The following FOCAD variants were observed in gnomAD, a reference collection of about 807,000 sequenced individuals.
FOCAD encodes the protein focadhesin, also known as KIAA1797.
A neutral mutation model predicts 225.6 loss-of-function variants in FOCAD; 198 were observed. The observed-to-expected ratio is 0.88, with a 90% CI of 0.78 to 0.99. The LOEUF is 0.99. Ranked by LOEUF, FOCAD falls within the 50% of genes least tolerant of loss-of-function variation. FOCAD has a pLI of 0.00. For missense variants in FOCAD, 2,713 were observed against 2,123.6 expected (o/e 1.28, Z -5.46); for synonymous variants, 897 against 755.0 (o/e 1.19, Z -3.08).
chr9:20,737,309 T>TAA (rs1827226350), intron 4 of FOCAD, among the ~76,000 whole-genome samples: 1 of 152,246 alleles, frequency 6.6e-6, no homozygotes, highest in African/African-American at 2.4e-5. Flanking sequence ...ATAAAAACCA[T>TAA]AGATCTGTTA....
intron 7 of FOCAD, 109 bp downstream of exon 7, chr9:20,765,182 A>C: frequency 2.2e-6 from 2 of 893,026 alleles, no homozygotes. Flanking sequence ...CTCAGACATG[A>C]TCCTCGCTCT....
upstream of FOCAD, among the ~76,000 whole-genome samples, chr9:20,679,505 G>C (rs763041485): frequency 1.3e-5 from 2 of 152,006 alleles, no homozygotes; most frequent in Non-Finnish European, 2.9e-5. Context: ...AGACTACAGT[G>C]TCTTTTTTTT....
intron 2 of FOCAD, among the ~76,000 whole-genome samples, chr9:20,674,487 T>G (rs1822171210): frequency 6.6e-6 from 1 of 152,152 alleles, no homozygotes; most frequent in Non-Finnish European, 1.5e-5. Context: ...GCCTGGATAT[T>G]ATAAAGATGT....
chr9:20,979,363 G>C lies in FOCAD; in HGVS notation c.4377+909G>C, dbSNP rs118087165. On this transcript the variant is annotated intron_variant, in intron 37 of 43. Coordinates refer to ENST00000338382, the MANE Select transcript of FOCAD (RefSeq NM_001375567.1). ...TTTTTTTGTTGTTGTTTTTGAGACA[G>C]TTTCTCGCTCCATAGCCCAGGCTGG... is the stretch of plus-strand genomic sequence containing the variant. Among the ~76,000 whole-genome samples the C allele has an allele frequency of 2.2e-3, 333 of 152,280 alleles. 8 individuals carry two copies. In the East Asian group the frequency reaches 0.042, roughly 19 times the overall value.
intron 21 of FOCAD, among the ~76,000 whole-genome samples, chr9:20,887,171 A>G (rs1336759346): frequency 1.3e-5 from 2 of 151,354 alleles, no homozygotes; most frequent in Non-Finnish European, 2.9e-5. Flanking sequence ...CCTGCTTTTG[A>G]TCCTCCCATT....
intron 2 of FOCAD, among the ~76,000 whole-genome samples, chr9:20,674,604 C>A (rs1299416852): frequency 6.6e-6 from 1 of 152,206 alleles, no homozygotes; most frequent in Non-Finnish European, 1.5e-5. Flanking sequence ...TGTGGTGCCA[C>A]TTTGGAACAA....
At chr9:20,689,505 T>A (rs531026602) in intron 1 of FOCAD, among the ~76,000 whole-genome samples, 1 of 152,258 alleles carries the variant, frequency 6.6e-6, no homozygotes, top group East Asian at 1.9e-4. Context: ...GCCTTGGGAC[T>A]TGGAAGGATG....
At chr9:20,882,526 T>C (rs6475483) in intron 20 of FOCAD, among the ~76,000 whole-genome samples, 125,196 of 152,174 alleles carry the variant, frequency 0.82, 51,674 homozygotes, top group Admixed American at 0.88. Context: ...GCTAGGAGAA[T>C]GGGCTTGAAA....
chr9:20,754,032 A>G (rs1035953396), intron 5 of FOCAD, among the ~76,000 whole-genome samples: 3 of 152,122 alleles, frequency 2.0e-5, no homozygotes, highest in African/African-American at 7.2e-5. Context: ...TTTGTACCAC[A>G]TTCTTCCCTT....
At chr9:20,953,159 A>C in intron 35 of FOCAD, 94 bp downstream of exon 35, 23 of 990,094 alleles carry the variant, frequency 2.3e-5, no homozygotes, top group Non-Finnish European at 3.2e-5. Context: ...AGAATCAAGC[A>C]ATATAAATCT....
intron 23 of FOCAD, among the ~76,000 whole-genome samples, chr9:20,915,616 G>A (rs1038898607): frequency 1.3e-5 from 2 of 152,134 alleles, no homozygotes; most frequent in Admixed American, 1.3e-4. Context: ...AGGAAATAAC[G>A]AGAGTCATCA....
chr9:20,878,228 A>T (rs1445939595), intron 19 of FOCAD, among the ~76,000 whole-genome samples: 1 of 152,180 alleles, frequency 6.6e-6, no homozygotes, highest in African/African-American at 2.4e-5. Flanking sequence ...ATAGCATAGC[A>T]AGTTGGCACT....
intron 11 of FOCAD, among the ~76,000 whole-genome samples, chr9:20,814,919 T>G (rs1823499305): frequency 6.6e-6 from 1 of 152,060 alleles, no homozygotes; most frequent in South Asian, 2.1e-4. Context: ...TTAAAAGTGA[T>G]TCACGCACCA....
At chr9:20,690,112 G>A (rs745858811) in intron 1 of FOCAD, among the ~76,000 whole-genome samples, 13 of 152,168 alleles carry the variant, frequency 8.5e-5, no homozygotes, top group Non-Finnish European at 1.6e-4. Context: ...TAATGTGAAT[G>A]GCAATTGCCA....
At position 20,801,703 on chromosome 9, in the gene FOCAD, C is replaced by G. The variant is rs1045086897; in HGVS notation, c.1455+12095C>G. ...TGTATTAGTTCTTTACTTTGTGAAC[C>G]ATAGTTTCAGTAGCAGTACTTTTCT... On this transcript the variant is annotated intron_variant, in intron 11 of 43. Transcript: ENST00000338382. Among the ~76,000 whole-genome samples, 6 of 152,190 alleles carry G rather than the reference C, an allele frequency of 3.9e-5. No homozygotes were observed. The East Asian group carries it at 1.2e-3, about 30-fold the overall frequency.
At chr9:20,786,037 C>T (rs965799040) in intron 10 of FOCAD, among the ~76,000 whole-genome samples, 12 of 152,162 alleles carry the variant, frequency 7.9e-5, no homozygotes, top group African/African-American at 2.7e-4. Flanking sequence ...AGCCGGGAAA[C>T]TGAGATTAGA....
At chr9:20,949,271 T>C (rs1564193366) in intron 32 of FOCAD, among the ~76,000 whole-genome samples, 1 of 152,190 alleles carries the variant, frequency 6.6e-6, no homozygotes, top group African/African-American at 2.4e-5. Context: ...CTGATATATG[T>C]CTATGTGGTT....
At chr9:20,783,198 G>A (rs1420597100) in intron 10 of FOCAD, among the ~76,000 whole-genome samples, 2 of 152,120 alleles carry the variant, frequency 1.3e-5, no homozygotes, top group Non-Finnish European at 2.9e-5. Context: ...TTGCTCAGAT[G>A]TGTGTGAATC....
intron 28 of FOCAD, among the ~76,000 whole-genome samples, chr9:20,939,555 A>T (rs1408066799): frequency 6.6e-6 from 1 of 152,196 alleles, no homozygotes; most frequent in Non-Finnish European, 1.5e-5. Flanking sequence ...TACCATGGGG[A>T]TGAATTACCC....
Sources: gnomAD v4.1 joint callset for allele counts (sites outside exome capture counted in the v4.1 genomes callset) on GRCh38, gnomAD v4.1.1 for gene constraint, MANE v1.5 for transcripts, NCBI Gene and HGNC (gene_info 2026-07-23, HGNC 2026-07-21) for gene names.